Variants in SH2B3 observed in about 807,000 individuals in gnomAD.
SH2B3 encodes the protein SH2B adapter protein 3.
Under a neutral mutation model 51.9 loss-of-function variants are expected in SH2B3, and 43 were observed. The observed-to-expected ratio is 0.83, with a 90% confidence interval of 0.65 to 1.07. The LOEUF is 1.07. Ranked by LOEUF, SH2B3 falls within the 50% of genes least tolerant of loss-of-function variation. SH2B3 has a pLI of 0.00. For missense variants in SH2B3, 952 were observed against 834.3 expected (o/e 1.14, Z -1.74); for synonymous variants, 396 against 376.0 (o/e 1.05, Z -0.62).
At chr12:111,447,897 C>A (rs1874192323) in intron 7 of SH2B3, 70 bp downstream of exon 7, 2 of 1,561,740 alleles carry the variant, frequency 1.3e-6, no homozygotes, top group Admixed American at 1.7e-5. Flanking sequence ...TTGCTGCAGA[C>A]CCAGGGGTAC....
intron 2 of SH2B3, among the ~76,000 whole-genome samples, chr12:111,419,695 A>G (rs752397559): frequency 1.3e-5 from 2 of 152,126 alleles, no homozygotes; most frequent in Non-Finnish European, 2.9e-5. Context: ...GTGTTCCTTT[A>G]CACATGGTAC....
At chr12:111,419,007 C>G (rs1593039210) in intron 2 of SH2B3, 130 bp downstream of exon 2, 4 of 915,386 alleles carry the variant, frequency 4.4e-6, no homozygotes, top group African/African-American at 1.8e-5. Context: ...GGGAACTAGG[C>G]CCTCTTAAAA....
intron 2 of SH2B3, among the ~76,000 whole-genome samples, chr12:111,419,674 CA>C (rs1648432243): frequency 6.6e-6 from 1 of 151,918 alleles, no homozygotes; most frequent in East Asian, 1.9e-4. Context: ...AGGAAAGTTG[CA>C]AAGATAGTAG....
intron 2 of SH2B3, among the ~76,000 whole-genome samples, chr12:111,428,988 T>C (rs1200744465): frequency 7.8e-6 from 1 of 128,796 alleles, no homozygotes; most frequent in African/African-American, 3.0e-5. Flanking sequence ...GCCGGAGGCC[T>C]GGCGGTTTCC....
At position 111,447,711 on chromosome 12, in the gene SH2B3, T is replaced by A. The variant is rs1488624182; in HGVS notation, c.1292T>A (p.Phe431Tyr). The A allele has an allele frequency of 6.2e-7, 1 of 1,613,916 alleles. No individual in the cohort carries two copies. The highest frequency in any genetic ancestry group is 2.2e-5 in the East Asian group (1 of 44,864). Residue 431 changes from phenylalanine (F) to tyrosine (Y), a missense_variant, in exon 7 of 8, where the codon TTT becomes TAT. Coordinates refer to ENST00000341259, the MANE Select transcript of SH2B3 (RefSeq NM_005475.3). Reference sequence around the variant, plus strand: ...CAGTGCCGTGTGCAGCACCTCCACTTTCCCTCGGTCGTGGACATGCTCCAC... The same window carrying A: ...CAGTGCCGTGTGCAGCACCTCCACTATCCCTCGGTCGTGGACATGCTCCAC... Reference protein sequence around the residue: ...RGQCRVQHLHFPSVVDMLHHF... With the variant: ...RGQCRVQHLHYPSVVDMLHHF...
chr12:111,418,301 T>TCCGCAGCACGCG lies in SH2B3; in HGVS notation c.161_172dup (p.Gln54_Pro57dup). ...AGTACTGGCTGTTCGCCCGGGAGCA[T>TCCGCAGCACGCG]CCGCAGCACGCGCCGCTGCGCGCCG... On this transcript the variant is annotated inframe_insertion, in exon 2 of 8. Transcript: ENST00000341259. This position sits in a 1 kb window ranked among gnomAD's most constrained non-coding sequence, Gnocchi z 6.7. 5 of 1,533,264 alleles carry TCCGCAGCACGCG rather than the reference T, an allele frequency of 3.3e-6. No individual in the cohort carries two copies. Among genetic ancestry groups the TCCGCAGCACGCG allele is most frequent in the Non-Finnish European group, 4.4e-6 (5 of 1,146,206 alleles). The allele number at this position is 1,533,264 out of a possible 1,614,324, so 95.0% of individuals were successfully genotyped here. A position where few individuals can be genotyped will look rare whatever the true frequency, so the allele number is the denominator to read the frequency against.
intron 1 of SH2B3, among the ~76,000 whole-genome samples, chr12:111,408,445 C>A (rs1418949023): frequency 6.6e-6 from 1 of 150,550 alleles, no homozygotes; most frequent in African/African-American, 2.4e-5. Context: ...GCCTGATCCT[C>A]CTTCTCCGAT....
chr12:111,434,184 A>C (rs1490850532), intron 2 of SH2B3, among the ~76,000 whole-genome samples: 1 of 152,224 alleles, frequency 6.6e-6, no homozygotes, highest in Non-Finnish European at 1.5e-5. Flanking sequence ...TATACCATAA[A>C]ATTCACTTGT....
rs748605585 is a variant in SH2B3 at position 111,447,122 on chromosome 12, C to T, written c.927-3C>T. ...TCCTTAACCTCAGCCTCTTCTCCAG[C>T]AGGCTGGAGAGCACAGAAGCAGAGA... On this transcript the variant is annotated splice_region_variant and splice_polypyrimidine_tract_variant and intron_variant, in intron 4 of 7. Transcript: ENST00000341259. 1.7e-5 allele frequency: 28 copies of T among 1,613,266 alleles called. No homozygotes were observed. The Admixed American group carries it at 4.7e-4, about 27-fold the overall frequency.
At chr12:111,444,681 C>G (rs2238154) in intron 2 of SH2B3, 30 of 974,266 alleles carry the variant, frequency 3.1e-5, no homozygotes, top group Non-Finnish European at 3.5e-5. Flanking sequence ...TGTCTCCCCT[C>G]TCACCCATCC....
Position 111,447,168 on chromosome 12 carries a change from G to C in SH2B3, c.970G>C (p.Glu324Gln). The change falls in exon 5 of 8, where the codon GAG becomes CAG. Residue 324 changes from glutamate to glutamine, a missense_variant. Coordinates refer to ENST00000341259, the MANE Select transcript of SH2B3 (RefSeq NM_005475.3). ...AGAGATGCATATTCCCTCAGCCCTA[G>C]AGCCTAGCACGTCCAGCTCCCCAAG... ...EAEMHIPSAL[E>Q]PSTSSSPRGS... The C allele has an allele frequency of 1.2e-6, 2 of 1,614,084 alleles. No individual in the cohort carries two copies. The highest frequency in any genetic ancestry group is 1.7e-5 in the Admixed American group (1 of 60,016).
rs73428133 is a variant in SH2B3 at position 111,409,960 on chromosome 12, C to A, written c.-28+3683C>A. Among the ~76,000 whole-genome samples the A allele has an allele frequency of 0.035, 5,343 of 152,336 alleles. 335 individuals carry two copies. Among genetic ancestry groups the A allele is most frequent in the African/African-American group, 0.12 (4,999 of 41,564 alleles). Reference sequence around the variant, plus strand: ...TAGATAGAAGATTTTTCCTCCCACGCCACCCTGTCAGGGGTCGGCCAGCAG... The same window carrying A: ...TAGATAGAAGATTTTTCCTCCCACGACACCCTGTCAGGGGTCGGCCAGCAG... On this transcript the variant is annotated intron_variant, in intron 1 of 7. Transcript: ENST00000341259. The surrounding 1 kb of genome is among the most constrained non-coding windows in gnomAD (Gnocchi z 4.0).
Position 111,409,867 on chromosome 12 carries a change from C to T in SH2B3, c.-28+3590C>T, listed in dbSNP as rs1242226888. On this transcript the variant is annotated intron_variant, in intron 1 of 7. Coordinates refer to ENST00000341259, the MANE Select transcript of SH2B3 (RefSeq NM_005475.3). The surrounding 1 kb of genome is among the most constrained non-coding windows in gnomAD (Gnocchi z 4.0). ...CCAGCAGGGGCAGAGGACACTTCCCCAGGGGAACAGGTCCTCCTGGTGCCC... is the reference window on the plus strand; with the variant it reads ...CCAGCAGGGGCAGAGGACACTTCCCTAGGGGAACAGGTCCTCCTGGTGCCC... Among the ~76,000 whole-genome samples, 1 of 152,230 alleles carries T rather than the reference C, an allele frequency of 6.6e-6. No individual in the cohort carries two copies. Among genetic ancestry groups the T allele is most frequent in the Non-Finnish European group, 1.5e-5 (1 of 68,034 alleles).
Position 111,409,396 on chromosome 12 carries a change from G to A in SH2B3, c.-28+3119G>A, listed in dbSNP as rs1465898849. Among the ~76,000 whole-genome samples the A allele has an allele frequency of 6.6e-6, 1 of 152,222 alleles. No homozygotes were observed. The highest frequency in any genetic ancestry group is 1.9e-4 in the East Asian group (1 of 5,200). ...AATAGGGGCTGGCACTTAATTGCCA[G>A]GTTTCCTGGGAAAACGGTCCCCAAG... On this transcript the variant is annotated intron_variant, in intron 1 of 7. Transcript: ENST00000341259. The surrounding 1 kb of genome is among the most constrained non-coding windows in gnomAD (Gnocchi z 4.0).
rs1038828982 is a variant in SH2B3 at position 111,410,997 on chromosome 12, A to G, written c.-28+4720A>G. Among the ~76,000 whole-genome samples the G allele has an allele frequency of 2.0e-5, 3 of 152,050 alleles. No individual in the cohort carries two copies. The highest frequency in any genetic ancestry group is 4.1e-4 in the South Asian group (2 of 4,820). On this transcript the variant is annotated intron_variant, in intron 1 of 7. Transcript: ENST00000341259. The surrounding 1 kb of genome is among the most constrained non-coding windows in gnomAD (Gnocchi z 4.9). ...TCTGAAGGTGTGAGACTTCCTGCCT[A>G]TATCTGTGAGCTGGGGCAGGGGAGA...
At chr12:111,437,018 T>G (rs1872940066) in intron 2 of SH2B3, among the ~76,000 whole-genome samples, 1 of 152,106 alleles carries the variant, frequency 6.6e-6, no homozygotes, top group African/African-American at 2.4e-5. Context: ...AGGGGGGATC[T>G]GACTCTGAAC....
In SH2B3 at chr12:111,447,563, TGGGG is replaced by T; in HGVS notation, c.1236+20_1236+23del. The T allele has an allele frequency of 1.1e-5, 2 of 183,962 alleles. No homozygotes were observed. The highest frequency in any genetic ancestry group is 1.1e-4 in the African/African-American group (1 of 9,242). The allele number at this position is 183,962 out of a possible 1,614,324, so 11.4% of individuals were successfully genotyped here. A position where few individuals can be genotyped will look rare whatever the true frequency, so the allele number is the denominator to read the frequency against. ...AGCCAAGGTATGGGGTGGGGTGGGG[TGGGG>T]TGGGGCAGGCAGGACCGTGCCACCC... On this transcript the variant is annotated intron_variant, in intron 6 of 7. Coordinates refer to ENST00000341259, the MANE Select transcript of SH2B3 (RefSeq NM_005475.3).
rs1285948500 is a variant in SH2B3 at position 111,450,245 on chromosome 12, C to G, written c.*1943C>G. On this transcript the variant is annotated 3_prime_UTR_variant, in exon 8 of 8. Coordinates refer to ENST00000341259, the MANE Select transcript of SH2B3 (RefSeq NM_005475.3). ...GCCTACACCACTTTTAGTACCAACA[C>G]TCTTGGGTGATTTCATGGACCCTAA... The G allele has an allele frequency of 1.3e-5, 2 of 152,238 alleles. No individual in the cohort carries two copies. The highest frequency in any genetic ancestry group is 2.9e-5 in the Non-Finnish European group (2 of 68,046). The allele number at this position is 152,238 out of a possible 1,614,324, so 9.4% of individuals were successfully genotyped here. A position where few individuals can be genotyped will look rare whatever the true frequency, so the allele number is the denominator to read the frequency against.
chr12:111,418,045 G>C lies in SH2B3; in HGVS notation c.-27-74G>C. The C allele has an allele frequency of 9.0e-7, 1 of 1,115,940 alleles. No homozygotes were observed. Among genetic ancestry groups the C allele is most frequent in the Non-Finnish European group, 1.2e-6 (1 of 811,506 alleles). The allele number at this position is 1,115,940 out of a possible 1,614,324, so 69.1% of individuals were successfully genotyped here. On this transcript the variant is annotated intron_variant, in intron 1 of 7. Coordinates refer to ENST00000341259, the MANE Select transcript of SH2B3 (RefSeq NM_005475.3). The surrounding 1 kb of genome is among the most constrained non-coding windows in gnomAD (Gnocchi z 6.7). ...GCGTTGGATTTCTGCTGTGGTGCCC[G>C]GTGTGTAATGGGGCCTACACCTGCT...
Sources: gnomAD v4.1 joint callset for allele counts (sites outside exome capture counted in the v4.1 genomes callset) on GRCh38, gnomAD v4.1.1 for gene constraint, Gnocchi (gnomAD v3.1) non-coding constraint, MANE v1.5 for transcripts, NCBI Gene and HGNC (gene_info 2026-07-23, HGNC 2026-07-21) for gene names.